The following SPART variants were observed in gnomAD, a reference collection of about 807,000 sequenced individuals.
SPART encodes the protein spartin.
In SPART, 35 loss-of-function variants were observed where a neutral mutation model predicts 58.7. That is an observed-to-expected ratio of 0.60 (90% CI 0.46 to 0.79). The LOEUF (loss-of-function observed/expected upper bound fraction) is 0.79. Ranked by LOEUF, SPART falls within the 30% of genes least tolerant of loss-of-function variation. SPART has a pLI of 0.00. For missense variants in SPART, 730 were observed against 786.1 expected (o/e 0.93, Z 0.85); for synonymous variants, 284 against 280.7 (o/e 1.01, Z -0.12).
At chr13:36,339,212 G>A (rs1884326716) in intron 1 of SPART, among the ~76,000 whole-genome samples, 1 of 151,930 alleles carries the variant, frequency 6.6e-6, no homozygotes, top group Non-Finnish European at 1.5e-5. Context: ...AGGAACTCCG[G>A]GAAATTAAAT....
At chr13:36,304,727 T>C in intron 8 of SPART, 95 bp from the exon 9 acceptor site, 1 of 1,353,752 alleles carries the variant, frequency 7.4e-7, no homozygotes, top group South Asian at 1.4e-5. Context: ...ATTACTGTGT[T>C]ACCCCTGAAA....
intron 1 of SPART, among the ~76,000 whole-genome samples, chr13:36,360,401 G>A (rs1209612204): frequency 6.6e-6 from 1 of 152,028 alleles, no homozygotes; most frequent in African/African-American, 2.4e-5. Context: ...GCAGGAAGAT[G>A]AGGCAGAGAG....
Position 36,331,453 on chromosome 13 carries a change from A to G in SPART, c.954T>C (p.Asp318=), listed in dbSNP as rs942440996. Residue 318 remains aspartate (D), a synonymous_variant, in exon 3 of 9, where the codon GAT becomes GAC. Transcript: ENST00000438666. The part of the protein sequence containing the change: ...GVVLSSELPE[D]DRELFEDLLR... ...ACAGATCCTCAAAGAGCTCTCTATCATCCTCTGGTAACTCAGAGGACAGGA... is the reference window on the plus strand; with the variant it reads ...ACAGATCCTCAAAGAGCTCTCTATCGTCCTCTGGTAACTCAGAGGACAGGA... 3 of 1,614,092 alleles carry G rather than the reference A, an allele frequency of 1.9e-6. No homozygotes were observed. The highest frequency in any genetic ancestry group is 1.3e-5 in the African/African-American group (1 of 75,036).
intron 6 of SPART, 106 bp from the exon 7 acceptor site, chr13:36,312,583 A>G (rs1007397060): frequency 1.7e-6 from 2 of 1,194,516 alleles, no homozygotes; most frequent in East Asian, 2.4e-5. Flanking sequence ...TTGTTTTACT[A>G]TATAATGTTA....
intron 5 of SPART, among the ~76,000 whole-genome samples, chr13:36,325,024 G>C (rs1882777845): frequency 6.6e-6 from 1 of 152,132 alleles, no homozygotes; most frequent in South Asian, 2.1e-4. Flanking sequence ...AGGCAGAGGA[G>C]GGCATTTTCA....
rs531974774 is a variant in SPART, at chr13:36,344,680, A to C, written c.-3+1545T>G. Among the ~76,000 whole-genome samples, 48 of 152,348 alleles carry C rather than the reference A, an allele frequency of 3.2e-4. 1 individual carries two copies. The highest frequency in any genetic ancestry group is 1.1e-3 in the African/African-American group (46 of 41,580). ...AAGGATTGGAGGATGGTGACTTAAA[A>C]AAAAGCCTATTCTATTCCTAAGCAC... On this transcript the variant is annotated intron_variant, in intron 1 of 8. Transcript: ENST00000438666.
At chr13:36,304,938 CATT>C (rs1192192332) in intron 8 of SPART, among the ~76,000 whole-genome samples, 1 of 152,006 alleles carries the variant, frequency 6.6e-6, no homozygotes, top group Admixed American at 6.6e-5. Flanking sequence ...ATTAATCAGT[CATT>C]ATTTCTTTTT....
intron 1 of SPART, among the ~76,000 whole-genome samples, chr13:36,351,859 A>G (rs902126390): frequency 6.6e-6 from 1 of 152,188 alleles, no homozygotes; most frequent in Non-Finnish European, 1.5e-5. Flanking sequence ...ATTATATAAT[A>G]TTGTCAGTGG....
intron 3 of SPART, among the ~76,000 whole-genome samples, chr13:36,330,142 A>T (rs1214128452): frequency 1.3e-5 from 2 of 152,220 alleles, no homozygotes; most frequent in African/African-American, 4.8e-5. Context: ...AAAGCCCAGT[A>T]ATACAGGTCC....
At chr13:36,353,522 C>A (rs781738951) in intron 1 of SPART, among the ~76,000 whole-genome samples, 5 of 152,064 alleles carry the variant, frequency 3.3e-5, no homozygotes, top group African/African-American at 9.7e-5. Context: ...GGAGACATCT[C>A]GGTAAAAGGG....
chr13:36,321,858 T>G (rs1882438832), intron 5 of SPART, among the ~76,000 whole-genome samples: 1 of 152,170 alleles, frequency 6.6e-6, no homozygotes, highest in South Asian at 2.1e-4. Flanking sequence ...CTGCCCCACC[T>G]TAACTGATGA....
intron 1 of SPART, among the ~76,000 whole-genome samples, chr13:36,359,953 A>G (rs1359817486): frequency 1.2e-4 from 17 of 137,968 alleles, no homozygotes; most frequent in African/African-American, 4.3e-4. Context: ...CACCTCTTTG[A>G]ACATAGTAGA....
chr13:36,331,134 T>A (rs985561944), intron 3 of SPART, among the ~76,000 whole-genome samples: 1 of 152,174 alleles, frequency 6.6e-6, no homozygotes, highest in Non-Finnish European at 1.5e-5. Context: ...TAAATTAAAG[T>A]ATAGAGAAGA....
chr13:36,325,299 CTCTT>C (rs1566122202), intron 5 of SPART, among the ~76,000 whole-genome samples: 2 of 152,150 alleles, frequency 1.3e-5, no homozygotes, highest in Non-Finnish European at 1.5e-5. Flanking sequence ...CTTTGTAAAT[CTCTT>C]TCAAGTCAAT....
intron 1 of SPART, among the ~76,000 whole-genome samples, chr13:36,342,642 G>A (rs1176609587): frequency 1.3e-5 from 2 of 152,072 alleles, no homozygotes; most frequent in South Asian, 2.1e-4. Context: ...AACCAAAAAC[G>A]TCTCCAGACA....
intron 5 of SPART, among the ~76,000 whole-genome samples, chr13:36,322,403 CGTCACTGCACTCCGACTTGG>C (rs1882502711): frequency 6.6e-6 from 1 of 152,054 alleles, no homozygotes; most frequent in African/African-American, 2.4e-5. Context: ...GCTGAGATAG[CGTCACTGCACTCCGACTTGG>C]GTAACAGAGC....
chr13:36,307,877 C>T (rs1880676163), intron 8 of SPART, among the ~76,000 whole-genome samples: 1 of 152,022 alleles, frequency 6.6e-6, no homozygotes, highest in Non-Finnish European at 1.5e-5. Flanking sequence ...TTTGTACTGG[C>T]TTATCCACCT....
chr13:36,360,167 C>T (rs989893281), intron 1 of SPART, among the ~76,000 whole-genome samples: 2 of 151,636 alleles, frequency 1.3e-5, no homozygotes, highest in African/African-American at 2.4e-5. Flanking sequence ...TGGTGGCACA[C>T]GCCTGTAGTC....
At position 36,335,134 on chromosome 13, in the gene SPART, C is replaced by CA. The variant is rs770560051; in HGVS notation, c.696dup (p.Val233CysfsTer8). On this transcript the variant is annotated frameshift_variant, in exon 2 of 9. Coordinates refer to ENST00000438666, the MANE Select transcript of SPART (RefSeq NM_015087.5). LOFTEE classifies it high-confidence loss of function. ...GCACTAACCTCCCCTGCAGGATTTACAAAAAAAATCTGTACTCCATTTGGT... is the reference window on the plus strand; with the variant it reads ...GCACTAACCTCCCCTGCAGGATTTACAAAAAAAAATCTGTACTCCATTTGGT... 39 of 1,613,666 alleles carry CA rather than the reference C, an allele frequency of 2.4e-5. No individual in the cohort carries two copies. The highest frequency in any genetic ancestry group is 4.0e-5 in the African/African-American group (3 of 74,824).
Sources: allele counts gnomAD v4.1 joint callset (sites outside exome capture counted in the v4.1 genomes callset), GRCh38; gene constraint gnomAD v4.1.1; transcripts MANE v1.5; gene names NCBI Gene and HGNC (gene_info 2026-07-23, HGNC 2026-07-21).